The following CFAP299 variants were observed in gnomAD, a reference collection of about 807,000 sequenced individuals.
CFAP299 encodes cilia- and flagella-associated protein 299.
A neutral mutation model predicts 27.0 loss-of-function variants in CFAP299; 21 were observed. That is an observed-to-expected ratio of 0.78 (90% CI 0.55 to 1.12). The LOEUF is 1.12. Among genes scored for constraint, CFAP299 ranks in the 50% most tolerant of loss-of-function variants. CFAP299 has a pLI of 0.00. For missense variants in CFAP299, 310 were observed against 276.6 expected (o/e 1.12, Z -0.86); for synonymous variants, 104 against 98.1 (o/e 1.06, Z -0.36).
At chr4:80,798,975 G>A (rs1033886272) in intron 3 of CFAP299, among the ~76,000 whole-genome samples, 1 of 150,464 alleles carries the variant, frequency 6.6e-6, no homozygotes, top group Non-Finnish European at 1.5e-5. Context: ...GCCAACTCCA[G>A]AAACCCCCAA....
At chr4:80,331,454 C>G (rs904006918), upstream of CFAP299, among the ~76,000 whole-genome samples, 1 of 152,068 alleles carries the variant, frequency 6.6e-6, no homozygotes, top group Non-Finnish European at 1.5e-5. Flanking sequence ...TATAGGGAAA[C>G]CAGAAAAGAT....
intron 3 of CFAP299, among the ~76,000 whole-genome samples, chr4:80,616,957 A>G (rs190995811): frequency 3.3e-5 from 5 of 152,268 alleles, no homozygotes; most frequent in African/African-American, 1.2e-4. Flanking sequence ...GAATACCTCA[A>G]CATAACATTT....
chr4:80,660,366 C>T (rs1382079458), intron 3 of CFAP299, among the ~76,000 whole-genome samples: 1 of 151,952 alleles, frequency 6.6e-6, no homozygotes, highest in Non-Finnish European at 1.5e-5. Context: ...TTGGTCAAAC[C>T]AACTATAAGA....
chr4:80,940,465 C>T (rs1232831191), intron 4 of CFAP299, among the ~76,000 whole-genome samples: 1 of 152,178 alleles, frequency 6.6e-6, no homozygotes, highest in Non-Finnish European at 1.5e-5. Context: ...TAAAGTGTAA[C>T]TGTTCTTACC....
chr4:80,609,962 A>G (rs1222120891), intron 3 of CFAP299, among the ~76,000 whole-genome samples: 1 of 152,112 alleles, frequency 6.6e-6, no homozygotes, highest in Non-Finnish European at 1.5e-5. Context: ...TAATAGGCCT[A>G]TCCTTATCCA....
chr4:80,526,285 A>C (rs553706704), intron 2 of CFAP299, among the ~76,000 whole-genome samples: 59 of 152,294 alleles, frequency 3.9e-4, no homozygotes, highest in African/African-American at 1.3e-3. Flanking sequence ...GAAAAGCTAC[A>C]TTTTGGCATG....
rs1287746446 is a variant in CFAP299 at position 80,799,820 on chromosome 4, T to G, written c.334-70173T>G. 1.4e-4 allele frequency among the ~76,000 whole-genome samples: 5 copies of G among 36,514 alleles called. 1 individual carries two copies. Among genetic ancestry groups the G allele is most frequent in the Non-Finnish European group, 1.7e-4 (4 of 23,250 alleles). The allele number at this position is 36,514 out of a possible 152,430, so 24.0% of individuals were successfully genotyped here. On this transcript the variant is annotated intron_variant, in intron 3 of 5. Transcript: ENST00000358105. ...ATTATATAATATATAAATATATATA[T>G]TATATATATTTATATATTATATTAT...
chr4:80,803,624 C>T (rs1299319711), intron 3 of CFAP299, among the ~76,000 whole-genome samples: 1 of 151,408 alleles, frequency 6.6e-6, no homozygotes, highest in African/African-American at 2.4e-5. Flanking sequence ...ACATATGCAA[C>T]GTTAAACTTT....
chr4:80,579,712 C>A (rs2109866929), intron 2 of CFAP299, among the ~76,000 whole-genome samples: 1 of 151,964 alleles, frequency 6.6e-6, no homozygotes, highest in Non-Finnish European at 1.5e-5. Flanking sequence ...ATAACAACAG[C>A]AATAAAACAG....
intron 4 of CFAP299, among the ~76,000 whole-genome samples, chr4:80,908,784 G>A (rs1045974371): frequency 8.5e-5 from 13 of 152,144 alleles, no homozygotes; most frequent in African/African-American, 2.4e-4. Flanking sequence ...TAAAGTGAGT[G>A]CAAATGCTCA....
At chr4:80,525,786 T>C (rs1409728300) in intron 2 of CFAP299, among the ~76,000 whole-genome samples, 1 of 152,174 alleles carries the variant, frequency 6.6e-6, no homozygotes, top group Non-Finnish European at 1.5e-5. Flanking sequence ...CTTCTTCAGA[T>C]AACTTTTTTG....
At chr4:80,800,138 T>G (rs1448961969) in intron 3 of CFAP299, among the ~76,000 whole-genome samples, 4 of 61,952 alleles carry the variant, frequency 6.5e-5, no homozygotes, top group African/African-American at 3.1e-4. Flanking sequence ...AAATATATTA[T>G]ATAAATATAT....
intron 3 of CFAP299, among the ~76,000 whole-genome samples, chr4:80,862,261 T>C (rs937814549): frequency 3.9e-5 from 6 of 151,928 alleles, no homozygotes; most frequent in Non-Finnish European, 5.9e-5. Flanking sequence ...TCCCAGCTAC[T>C]CGGTAGGCTG....
At chr4:80,518,764 G>T (rs149232311) in intron 2 of CFAP299, among the ~76,000 whole-genome samples, 1 of 152,152 alleles carries the variant, frequency 6.6e-6, no homozygotes. Context: ...CCTGCCTGGC[G>T]AATGGGAGTA....
intron 2 of CFAP299, among the ~76,000 whole-genome samples, chr4:80,485,153 C>T (rs368903441): frequency 1.2e-4 from 18 of 151,878 alleles, no homozygotes; most frequent in East Asian, 5.8e-4. Flanking sequence ...CCACCAATGA[C>T]GTATTTTTAC....
chr4:80,617,635 G>A (rs1445874295), intron 3 of CFAP299, among the ~76,000 whole-genome samples: 1 of 152,042 alleles, frequency 6.6e-6, no homozygotes, highest in Non-Finnish European at 1.5e-5. Flanking sequence ...ATTAAGGGTG[G>A]CAGACATAAA....
intron 3 of CFAP299, among the ~76,000 whole-genome samples, chr4:80,808,313 A>T (rs1728968839): frequency 6.6e-6 from 1 of 152,134 alleles, no homozygotes; most frequent in Non-Finnish European, 1.5e-5. Flanking sequence ...CCTTCATAAC[A>T]TGCTGCTACC....
At chr4:80,955,246 G>A (rs1421656009) in intron 5 of CFAP299, among the ~76,000 whole-genome samples, 2 of 152,116 alleles carry the variant, frequency 1.3e-5, no homozygotes, top group Admixed American at 1.3e-4. Context: ...AAGCTCTTAA[G>A]AGGAGCAATG....
At chr4:80,726,525 A>G (rs1262145790) in intron 3 of CFAP299, among the ~76,000 whole-genome samples, 1 of 152,214 alleles carries the variant, frequency 6.6e-6, no homozygotes, top group Non-Finnish European at 1.5e-5. Context: ...ATGAATAACT[A>G]TCAAATAATG....
Sources: allele counts gnomAD v4.1 joint callset (sites outside exome capture counted in the v4.1 genomes callset), GRCh38; gene constraint gnomAD v4.1.1; transcripts MANE v1.5; gene names NCBI Gene and HGNC (gene_info 2026-07-23, HGNC 2026-07-21).